The following DPP6 variants were observed in gnomAD, a reference collection of about 807,000 sequenced individuals.
The protein encoded by DPP6 is A-type potassium channel modulatory protein DPP6.
DPP6 carries 69 observed loss-of-function variants against 122.6 expected under a neutral mutation model. The ratio of observed to expected loss-of-function variants is 0.56; its 90% CI spans 0.46 to 0.69. The LOEUF is 0.69. Ranked by LOEUF, DPP6 falls within the 30% of genes least tolerant of loss-of-function variation. DPP6 has a pLI of 0.00. For synonymous variants in DPP6, 418 were observed against 433.1 expected (o/e 0.97, Z 0.43); for missense variants, 928 against 1,116.9 (o/e 0.83, Z 2.41).
At chr7:153,832,309 A>G in the DPP6 span, among the ~76,000 whole-genome samples, 3 of 152,192 alleles carry the variant, frequency 2.0e-5, no homozygotes, top group African/African-American at 7.2e-5. Context: ...TCTGCTGGTA[A>G]AAGGGATATG....
intron 1 of DPP6, among the ~76,000 whole-genome samples, chr7:153,936,073 A>G (rs1801424585): frequency 6.6e-6 from 1 of 152,174 alleles, no homozygotes; most frequent in Non-Finnish European, 1.5e-5. Flanking sequence ...AGTTCCCTTA[A>G]GGGGGAATGT....
chr7:154,356,718 C>T (rs776204692), intron 1 of DPP6, among the ~76,000 whole-genome samples: 37 of 152,036 alleles, frequency 2.4e-4, no homozygotes, highest in Non-Finnish European at 3.8e-4. Context: ...ATAATAATTC[C>T]GGAAGTAGAT....
At chr7:154,831,765 G>T (rs1487426921) in intron 16 of DPP6, among the ~76,000 whole-genome samples, 1 of 152,118 alleles carries the variant, frequency 6.6e-6, no homozygotes, top group Non-Finnish European at 1.5e-5. Context: ...GGGTTTCTTT[G>T]CAATTCATGT....
At chr7:154,358,188 G>A (rs1811432893) in intron 1 of DPP6, among the ~76,000 whole-genome samples, 1 of 152,094 alleles carries the variant, frequency 6.6e-6, no homozygotes, top group Non-Finnish European at 1.5e-5. Flanking sequence ...CTCAACCATA[G>A]TTATACTGTG....
chr7:153,911,312 T>C (rs1320062759), intron 1 of DPP6, among the ~76,000 whole-genome samples: 2 of 152,174 alleles, frequency 1.3e-5, no homozygotes, highest in African/African-American at 4.8e-5. Context: ...TTCCCCAGTA[T>C]CATGATCCCT....
chr7:154,556,678 T>C lies in DPP6; in HGVS notation c.553-10164T>C, dbSNP rs1202131983. Among the ~76,000 whole-genome samples, 3 of 152,100 alleles carry C rather than the reference T, an allele frequency of 2.0e-5. No individual in the cohort carries two copies. The East Asian group carries it at 5.8e-4, about 29-fold the overall frequency. Reference sequence around the variant, plus strand: ...CCATATTTAATTTGCCATATATGATTTTAAATTTTAATTTTAAGAAAGGCA... The same window carrying C: ...CCATATTTAATTTGCCATATATGATCTTAAATTTTAATTTTAAGAAAGGCA... On this transcript the variant is annotated intron_variant, in intron 4 of 25. Coordinates refer to ENST00000377770, the MANE Select transcript of DPP6 (RefSeq NM_130797.4).
chr7:154,430,079 C>T (rs1003965149), intron 1 of DPP6, among the ~76,000 whole-genome samples: 1 of 152,128 alleles, frequency 6.6e-6, no homozygotes, highest in Non-Finnish European at 1.5e-5. Context: ...CTTCTAGGGG[C>T]CGCTGTCAGA....
At chr7:154,093,978 A>T (rs1472934935) in intron 1 of DPP6, 1 of 152,206 alleles carries the variant, frequency 6.6e-6, no homozygotes, top group Non-Finnish European at 1.5e-5. Context: ...TCCTGCTAGC[A>T]TAAAAGAATG....
At chr7:153,773,755 A>G in the DPP6 span, among the ~76,000 whole-genome samples, 1 of 151,594 alleles carries the variant, frequency 6.6e-6, no homozygotes, top group Admixed American at 6.6e-5. Flanking sequence ...GAAAAGAAGA[A>G]AGATCTTAAA....
At position 154,875,632 on chromosome 7, in the gene DPP6, C is replaced by T. The variant is rs1804780214; in HGVS notation, c.1884-274C>T. On this transcript the variant is annotated intron_variant, in intron 19 of 25. Transcript: ENST00000377770. This position sits in a 1 kb window ranked among gnomAD's most constrained non-coding sequence, Gnocchi z 4.5. ...TATTGTTTCCCTCACCAAATAGATG[C>T]TTTTTGGTGGCCGTCCCAGACAGCG... Among the ~76,000 whole-genome samples the T allele has an allele frequency of 6.6e-6, 1 of 152,100 alleles. No homozygotes were observed. Among genetic ancestry groups the T allele is most frequent in the Non-Finnish European group, 1.5e-5 (1 of 68,004 alleles).
Position 154,893,128 on chromosome 7 carries a change from G to A in DPP6, c.*648G>A, listed in dbSNP as rs1437769547. The A allele has an allele frequency of 2.8e-6, 1 of 351,958 alleles. No homozygotes were observed. Among genetic ancestry groups the A allele is most frequent in the Non-Finnish European group, 5.6e-6 (1 of 178,146 alleles). 21.8% of individuals were successfully genotyped at this position (351,958 alleles called of 1,614,324 possible). ...CTGATGCTCCACTGTCTCCGTCATG[G>A]GGTTGTTTTGCTGTTTGGGGTTGGG... On this transcript the variant is annotated 3_prime_UTR_variant, in exon 26 of 26. Coordinates refer to ENST00000377770, the MANE Select transcript of DPP6 (RefSeq NM_130797.4).
chr7:153,998,139 G>T (rs554227322), intron 1 of DPP6, among the ~76,000 whole-genome samples: 1 of 151,858 alleles, frequency 6.6e-6, no homozygotes, highest in Non-Finnish European at 1.5e-5. Context: ...ACCAAAAAGA[G>T]GTTACAGTCC....
the DPP6 span, among the ~76,000 whole-genome samples, chr7:153,826,691 G>T: frequency 0.062 from 9,412 of 152,146 alleles, 340 homozygotes; most frequent in Non-Finnish European, 0.082. Context: ...AAAAACTTCT[G>T]TGTCTCTGTG....
chr7:154,726,954 A>G (rs940965228), intron 7 of DPP6, among the ~76,000 whole-genome samples: 9 of 152,160 alleles, frequency 5.9e-5, no homozygotes, highest in Non-Finnish European at 1.5e-5. Flanking sequence ...GGTCACAACC[A>G]TCCAACAATT....
At chr7:153,847,095 T>C in the DPP6 span, among the ~76,000 whole-genome samples, 2 of 151,470 alleles carry the variant, frequency 1.3e-5, no homozygotes, top group Non-Finnish European at 3.0e-5. Context: ...CTCCAACTGA[T>C]GTTAAGAATA....
At chr7:154,887,494 T>C (rs547456930) in intron 22 of DPP6, among the ~76,000 whole-genome samples, 182 bp from the exon 23 acceptor site, 161 of 152,268 alleles carry the variant, frequency 1.1e-3, no homozygotes, top group Middle Eastern at 3.4e-3. Flanking sequence ...ATGCCCCTTG[T>C]AAAGACCCAA....
chr7:154,201,625 C>T (rs987360971), intron 1 of DPP6, among the ~76,000 whole-genome samples: 12 of 152,156 alleles, frequency 7.9e-5, no homozygotes, highest in African/African-American at 2.2e-4. Flanking sequence ...AGGTTGGCTA[C>T]GTGCAGTGAA....
chr7:153,881,179 T>C, the DPP6 span, among the ~76,000 whole-genome samples: 2 of 152,182 alleles, frequency 1.3e-5, no homozygotes, highest in African/African-American at 2.4e-5. Context: ...AGTGTGAAAG[T>C]AGGAGGACTC....
chr7:153,816,833 GAT>G, the DPP6 span, among the ~76,000 whole-genome samples: 68 of 152,028 alleles, frequency 4.5e-4, no homozygotes, highest in Middle Eastern at 3.4e-3. Context: ...CTAAGAGGGT[GAT>G]TTGTGGAACG....
Sources: allele counts gnomAD v4.1 joint callset (sites outside exome capture counted in the v4.1 genomes callset), GRCh38; gene constraint gnomAD v4.1.1; non-coding constraint Gnocchi (gnomAD v3.1); transcripts MANE v1.5; gene names NCBI Gene and HGNC (gene_info 2026-07-23, HGNC 2026-07-21).